Variants in COL4A4 observed in about 807,000 individuals in gnomAD.
The protein encoded by COL4A4 is collagen type IV alpha 4 chain.
In COL4A4, 105 loss-of-function variants were observed where a neutral mutation model predicts 192.9. The ratio of observed to expected loss-of-function variants is 0.54; its 90% CI spans 0.46 to 0.64. COL4A4 has a LOEUF of 0.64. Ranked by LOEUF, COL4A4 falls within the 30% of genes least tolerant of loss-of-function variation. The pLI, the probability that COL4A4 is intolerant of heterozygous loss-of-function variation, is 0.00. For missense variants in COL4A4, 1,967 were observed against 2,169.3 expected (o/e 0.91, Z 1.85); for synonymous variants, 762 against 769.9 (o/e 0.99, Z 0.17).
intron 4 of COL4A4, among the ~76,000 whole-genome samples, chr2:227,139,888 A>G (rs1451068102): frequency 6.6e-6 from 1 of 152,098 alleles, no homozygotes; most frequent in Non-Finnish European, 1.5e-5. Context: ...AGTAGTTACC[A>G]TTTCACACCA....
intron 25 of COL4A4, among the ~76,000 whole-genome samples, chr2:227,074,719 C>T (rs1008615063): frequency 6.6e-6 from 1 of 152,068 alleles, no homozygotes; most frequent in Non-Finnish European, 1.5e-5. Context: ...TACTACTCAG[C>T]CATTAAAAGG....
the COL4A4 span, among the ~76,000 whole-genome samples, chr2:226,971,222 C>A: frequency 6.6e-6 from 1 of 152,208 alleles, no homozygotes; most frequent in African/African-American, 2.4e-5. Flanking sequence ...TCCCTCCTCA[C>A]ACCTGTGGCA....
intron 35 of COL4A4, among the ~76,000 whole-genome samples, chr2:227,045,947 ATATG>A (rs1306384266): frequency 4.5e-4 from 41 of 91,616 alleles, no homozygotes; most frequent in African/African-American, 2.1e-3. Flanking sequence ...ATATATGTAT[ATATG>A]TATATATGTA....
chr2:226,975,671 A>G, the COL4A4 span, among the ~76,000 whole-genome samples: 1 of 152,244 alleles, frequency 6.6e-6, no homozygotes, highest in African/African-American at 2.4e-5. Flanking sequence ...CTACATGCAG[A>G]AGGAACTCAT....
intron 22 of COL4A4, among the ~76,000 whole-genome samples, chr2:227,085,567 C>A (rs1351246510): frequency 6.6e-6 from 1 of 152,188 alleles, no homozygotes; most frequent in African/African-American, 2.4e-5. Flanking sequence ...TTCTGGTAAG[C>A]CCTCAGGAAG....
chr2:227,113,383 A>C (rs1265156259), intron 8 of COL4A4, among the ~76,000 whole-genome samples: 1 of 152,176 alleles, frequency 6.6e-6, no homozygotes, highest in African/African-American at 2.4e-5. Context: ...TCCCCCTTCT[A>C]TATTTGTATG....
intron 4 of COL4A4, among the ~76,000 whole-genome samples, chr2:227,130,600 T>A: frequency 6.6e-6 from 1 of 152,170 alleles, no homozygotes; most frequent in Non-Finnish European, 1.5e-5. Flanking sequence ...TGCCCTGGCT[T>A]CTTGTCACTT....
chr2:227,032,117 T>C (rs1968555151), intron 39 of COL4A4, 31 bp downstream of exon 39: 1 of 1,614,130 alleles, frequency 6.2e-7, no homozygotes, highest in Admixed American at 1.7e-5. Flanking sequence ...GTTTAGTTAT[T>C]GAAAGAAGGG....
At chr2:226,971,054 T>C in the COL4A4 span, among the ~76,000 whole-genome samples, 1 of 152,328 alleles carries the variant, frequency 6.6e-6, no homozygotes, top group South Asian at 2.1e-4. Context: ...CTTAATTAAA[T>C]GTTTACTACT....
chr2:227,012,771 A>G (rs903144051), intron 44 of COL4A4, among the ~76,000 whole-genome samples: 2 of 152,204 alleles, frequency 1.3e-5, no homozygotes, highest in African/African-American at 2.4e-5. Context: ...AATCTGGAGC[A>G]TGATAGGTGC....
chr2:227,088,566 T>G, intron 22 of COL4A4, 87 bp downstream of exon 22: 1 of 1,514,092 alleles, frequency 6.6e-7, no homozygotes, highest in African/African-American at 1.4e-5. Flanking sequence ...AATTACCTAG[T>G]CTTGGGTAGT....
In COL4A4 at chr2:227,030,598, C is replaced by T; in HGVS notation, c.3818G>A (p.Gly1273Glu). The T allele has an allele frequency of 6.3e-7, 1 of 1,595,472 alleles. No homozygotes were observed. Among genetic ancestry groups the T allele is most frequent in the Non-Finnish European group, 8.5e-7 (1 of 1,173,270 alleles). ...AGGGAGGCCTGGAGGCCCAGGTGCT[C>T]CTGACCACAGAGAAGAGACAAAAAT... ...QGPPGPDGPR[G>E]APGPPGLPGS... The change falls in exon 41 of 48, where the codon GGA becomes GAA. Residue 1273 changes from glycine (G) to glutamate (E), a missense_variant and splice_region_variant. Transcript: ENST00000396625.
chr2:226,977,741 C>A, the COL4A4 span, among the ~76,000 whole-genome samples: 1 of 152,208 alleles, frequency 6.6e-6, no homozygotes, highest in Non-Finnish European at 1.5e-5. Context: ...GTCTTCATTG[C>A]TAATTGAAGA....
intron 42 of COL4A4, among the ~76,000 whole-genome samples, chr2:227,027,644 T>C (rs1967231558): frequency 6.6e-6 from 1 of 150,800 alleles, no homozygotes; most frequent in African/African-American, 2.4e-5. Flanking sequence ...AAAAAATATA[T>C]ATATATAGAA....
rs759637011 is a variant in COL4A4 at position 227,060,122 on chromosome 2, A to AAAAAC, written c.2164+13_2164+14insGTTTT. 5.6e-6 allele frequency: 8 copies of AAAAAC among 1,423,812 alleles called. No individual in the cohort carries two copies. Among genetic ancestry groups the AAAAAC allele is most frequent in the Non-Finnish European group, 7.7e-6 (8 of 1,036,540 alleles). 88.2% of individuals were successfully genotyped at this position (1,423,812 alleles called of 1,614,324 possible). ...AGCAGAAAAAAAAAAAAAAAAAAAA[A>AAAAAC]AAACCTCACTGACCAGGTGGACCTG... On this transcript the variant is annotated intron_variant, in intron 27 of 47. Transcript: ENST00000396625.
In COL4A4 at chr2:227,059,567, C is replaced by G. The variant is rs1976359180; in HGVS notation, c.2221G>C (p.Val741Leu). 1 of 1,614,032 alleles carries G rather than the reference C, an allele frequency of 6.2e-7. No individual in the cohort carries two copies. Among genetic ancestry groups the G allele is most frequent in the East Asian group, 2.2e-5 (1 of 44,888 alleles). Residue 741 changes from valine (V) to leucine (L), a missense_variant, in exon 28 of 48, where the codon GTT becomes CTT. Physicochemically the swap from Val to Leu is conservative, Grantham distance 32. Transcript: ENST00000396625. ...GFGGEKGSSP[V>L]GPPGPPGSPG... ...GAGCCGGGAGGGCCTGGGGGCCCAA[C>G]AGGGGAGGACCCCTTTTCACCTCCA...
At chr2:227,098,877 G>T in intron 18 of COL4A4, 79 bp from the exon 19 acceptor site, 1 of 1,181,402 alleles carries the variant, frequency 8.5e-7, no homozygotes, top group Non-Finnish European at 1.3e-6. Flanking sequence ...CTTTTTGTGA[G>T]ACTCAGTAAA....
intron 20 of COL4A4, among the ~76,000 whole-genome samples, chr2:227,093,074 G>C (rs2060024339): frequency 6.6e-6 from 1 of 152,264 alleles, no homozygotes; most frequent in South Asian, 2.1e-4. Context: ...TCTTAAACCT[G>C]AAAGTGCCCT....
At chr2:227,046,951 A>G (rs1426107517) in intron 35 of COL4A4, among the ~76,000 whole-genome samples, 1 of 151,990 alleles carries the variant, frequency 6.6e-6, no homozygotes, top group Non-Finnish European at 1.5e-5. Flanking sequence ...GTTGGTGATG[A>G]GGTTTATGTT....
Sources: gnomAD v4.1 joint callset for allele counts (sites outside exome capture counted in the v4.1 genomes callset) on GRCh38, gnomAD v4.1.1 for gene constraint, MANE v1.5 for transcripts, NCBI Gene and HGNC (gene_info 2026-07-23, HGNC 2026-07-21) for gene names.